Variants in ITPR2 observed in about 807,000 individuals in gnomAD.
ITPR2 encodes inositol 1,4,5-trisphosphate receptor type 2.
In ITPR2, 207 loss-of-function variants were observed where a neutral mutation model predicts 317.1. That is an observed-to-expected ratio of 0.65 (90% CI 0.58 to 0.73). The LOEUF is 0.73. Among genes scored for constraint, ITPR2 ranks in the 30% least tolerant of loss-of-function variants. The pLI, the probability that ITPR2 is intolerant of heterozygous loss-of-function variation, is 0.00. For missense variants in ITPR2, 2,613 were observed against 3,284.0 expected, an observed-to-expected ratio of 0.80 and a Z score of 4.99; for synonymous variants, 1,156 against 1,149.1, an observed-to-expected ratio of 1.01 and a Z score of -0.12.
intron 55 of ITPR2, among the ~76,000 whole-genome samples, chr12:26,350,232 C>G (rs1055033763): frequency 2.0e-5 from 3 of 152,104 alleles, no homozygotes; most frequent in African/African-American, 7.2e-5. Flanking sequence ...ATAGTTCAAC[C>G]AACATTTCAA....
At chr12:26,472,176 T>C (rs1942305216) in intron 45 of ITPR2, among the ~76,000 whole-genome samples, 1 of 152,240 alleles carries the variant, frequency 6.6e-6, no homozygotes, top group Non-Finnish European at 1.5e-5. Flanking sequence ...TGTGTCACTA[T>C]AATAGAATAA....
intron 32 of ITPR2, among the ~76,000 whole-genome samples, chr12:26,584,543 G>A (rs548498688): frequency 1.3e-5 from 2 of 152,212 alleles, no homozygotes; most frequent in East Asian, 1.9e-4. Flanking sequence ...ACCCTTCCAA[G>A]GATGATCGTC....
At chr12:26,383,480 T>C (rs564600785) in intron 55 of ITPR2, among the ~76,000 whole-genome samples, 2 of 151,776 alleles carry the variant, frequency 1.3e-5, no homozygotes, top group South Asian at 4.2e-4. Context: ...GTTTGTTTGT[T>C]TGTTTGTTTG....
In ITPR2 at chr12:26,711,123, T is replaced by A. The variant is rs558978350; in HGVS notation, c.951+50A>T. ...CTTGTGGCGAACCCAACTGCCTCTT[T>A]CACTAATTCAGAGTCAGAAACTTAA... On this transcript the variant is annotated intron_variant, in intron 9 of 56. Transcript: ENST00000381340. 7.0e-6 allele frequency: 9 copies of A among 1,291,594 alleles called. No individual in the cohort carries two copies. The South Asian group carries it at 8.4e-5, about 12-fold the overall frequency. 80.0% of individuals were successfully genotyped at this position (1,291,594 alleles called of 1,614,324 possible). A position where few individuals can be genotyped will look rare whatever the true frequency, so the allele number is the denominator to read the frequency against.
intron 35 of ITPR2, among the ~76,000 whole-genome samples, chr12:26,559,364 C>T (rs2137023933): frequency 6.6e-6 from 1 of 152,312 alleles, no homozygotes; most frequent in South Asian, 2.1e-4. Flanking sequence ...AATTATTTCT[C>T]ATAGTTCTGG....
intron 55 of ITPR2, among the ~76,000 whole-genome samples, chr12:26,383,471 T>C (rs1193296754): frequency 1.5e-5 from 2 of 131,060 alleles, no homozygotes; most frequent in African/African-American, 5.5e-5. Flanking sequence ...TGTTTTTTTG[T>C]TTGTTTGTTT....
At chr12:26,425,142 C>G (rs1168895527) in intron 49 of ITPR2, among the ~76,000 whole-genome samples, 2 of 151,934 alleles carry the variant, frequency 1.3e-5, no homozygotes, top group African/African-American at 4.8e-5. Context: ...TGAGGTCTCA[C>G]TATGTTGACC....
In ITPR2 at chr12:26,691,432, T is replaced by G. The variant is rs143469673; in HGVS notation, c.996+4174A>C. 7.4e-3 allele frequency among the ~76,000 whole-genome samples: 1,130 copies of G among 152,244 alleles called. 11 individuals carry two copies. The highest frequency in any genetic ancestry group is 0.026 in the African/African-American group (1,085 of 41,542). On this transcript the variant is annotated intron_variant, in intron 10 of 56. Coordinates refer to ENST00000381340, the MANE Select transcript of ITPR2 (RefSeq NM_002223.4). ...AGGTACGACAGAACTTAAACAGGTA[T>G]TAAATTTAACCTCAGCTAGCTCTCC...
chr12:26,620,641 T>C (rs907566842), intron 26 of ITPR2, among the ~76,000 whole-genome samples: 12 of 152,240 alleles, frequency 7.9e-5, no homozygotes, highest in African/African-American at 2.9e-4. Flanking sequence ...ACAGTCACTC[T>C]TTAGATTTTT....
intron 48 of ITPR2, among the ~76,000 whole-genome samples, chr12:26,433,528 T>G (rs1018390539): frequency 1.4e-5 from 2 of 145,164 alleles, no homozygotes; most frequent in African/African-American, 5.1e-5. Flanking sequence ...TGCTTTGTGT[T>G]AAAGAAAATG....
At chr12:26,809,116 G>A (rs1342861720) in intron 1 of ITPR2, among the ~76,000 whole-genome samples, 2 of 152,134 alleles carry the variant, frequency 1.3e-5, no homozygotes, top group South Asian at 2.1e-4. Context: ...CTGCAAAATA[G>A]TTTTCTTCTA....
In ITPR2 at chr12:26,832,914, G is replaced by A. The variant is rs1456251741; in HGVS notation, c.-133C>T. 1.5e-6 allele frequency: 1 copy of A among 686,370 alleles called. No individual in the cohort carries two copies. The highest frequency in any genetic ancestry group is 2.5e-6 in the Non-Finnish European group (1 of 407,826). The allele number at this position is 686,370 out of a possible 1,614,324, so 42.5% of individuals were successfully genotyped here. A position where few individuals can be genotyped will look rare whatever the true frequency, so the allele number is the denominator to read the frequency against. On this transcript the variant is annotated 5_prime_UTR_variant, in exon 1 of 57. Coordinates refer to ENST00000381340, the MANE Select transcript of ITPR2 (RefSeq NM_002223.4). ...GGCCAAGAGCCGCGGCGGAGGGCACGGCCCGAGCCACTGAGCGTCGCGGCT... is the reference window on the plus strand; with the variant it reads ...GGCCAAGAGCCGCGGCGGAGGGCACAGCCCGAGCCACTGAGCGTCGCGGCT...
At chr12:26,567,866 C>T (rs1414598593) in intron 34 of ITPR2, among the ~76,000 whole-genome samples, 1 of 146,546 alleles carries the variant, frequency 6.8e-6, no homozygotes, top group African/African-American at 2.5e-5. Context: ...ATAAATAGAA[C>T]AATATTTTTC....
chr12:26,663,948 AT>A (rs1434377699), intron 14 of ITPR2, 102 bp from the exon 15 acceptor site: 6 of 1,078,226 alleles, frequency 5.6e-6, no homozygotes, highest in Non-Finnish European at 7.9e-6. Flanking sequence ...ACTTATATAA[AT>A]TTGAGTATTA....
intron 37 of ITPR2, among the ~76,000 whole-genome samples, chr12:26,525,072 T>C (rs569572391): frequency 1.3e-5 from 2 of 152,306 alleles, no homozygotes; most frequent in East Asian, 1.9e-4. Flanking sequence ...AGCTGTGATA[T>C]TGCAGCCCAG....
chr12:26,697,913 A>C (rs1487726125), intron 9 of ITPR2, among the ~76,000 whole-genome samples: 1 of 152,156 alleles, frequency 6.6e-6, no homozygotes, highest in Admixed American at 6.5e-5. Context: ...ATACAAAATT[A>C]AAGTCCACAT....
intron 34 of ITPR2, among the ~76,000 whole-genome samples, chr12:26,577,882 C>T (rs1945313023): frequency 6.6e-6 from 1 of 152,126 alleles, no homozygotes; most frequent in East Asian, 1.9e-4. Context: ...CTATAAAACT[C>T]TCTGTTTTCT....
intron 51 of ITPR2, among the ~76,000 whole-genome samples, chr12:26,414,633 T>G (rs1300768110): frequency 6.6e-6 from 1 of 151,992 alleles, no homozygotes; most frequent in Admixed American, 6.6e-5. Flanking sequence ...TTAGAAAGCT[T>G]AATAAATAAA....
chr12:26,638,650 TTTGTTCTTGCC>T (rs1404896036), intron 21 of ITPR2, among the ~76,000 whole-genome samples: 1 of 152,230 alleles, frequency 6.6e-6, no homozygotes, highest in Admixed American at 6.5e-5. Context: ...TCTTTGCTGC[TTTGTTCTTGCC>T]TTGACTAGAT....
Sources: gnomAD v4.1 joint callset for allele counts (sites outside exome capture counted in the v4.1 genomes callset) on GRCh38, gnomAD v4.1.1 for gene constraint, MANE v1.5 for transcripts, NCBI Gene and HGNC (gene_info 2026-07-23, HGNC 2026-07-21) for gene names.